APC2: variants seen among roughly 807,000 people sequenced by gnomAD.
The protein encoded by APC2 is APC regulator of Wnt signaling pathway 2, also known as adenomatous polyposis coli protein 2.
A neutral mutation model predicts 72.5 loss-of-function variants in APC2; 41 were observed. The ratio of observed to expected loss-of-function variants is 0.57; its 90% CI spans 0.44 to 0.73. The LOEUF is 0.73. Among genes scored for constraint, APC2 ranks in the 30% least tolerant of loss-of-function variants. The pLI, the probability that APC2 is intolerant of heterozygous loss-of-function variation, is 0.00. For synonymous variants in APC2, 1,898 were observed against 1,612.0 expected, an observed-to-expected ratio of 1.18 and a Z score of -4.25; for missense variants, 3,729 against 3,403.4, an observed-to-expected ratio of 1.10 and a Z score of -2.38.
chr19:1,452,917 C>A lies in APC2; in HGVS notation c.-18-67C>A. 1 of 1,537,672 alleles carries A rather than the reference C, an allele frequency of 6.5e-7. No homozygotes were observed. The highest frequency in any genetic ancestry group is 8.8e-7 in the Non-Finnish European group (1 of 1,139,774). The stretch of plus-strand genomic sequence containing the variant: ...GGCTGGGGCTTAGGTCAGGGGCCGT[C>A]TGTCCGGAAGGCATCACCGCGCCCT... On this transcript the variant is annotated intron_variant, in intron 1 of 14. Coordinates refer to ENST00000590469, the MANE Select transcript of APC2 (RefSeq NM_005883.3). The surrounding 1 kb of genome is among the most constrained non-coding windows in gnomAD (Gnocchi z 5.1).
chr19:1,456,847 C>A lies in APC2; in HGVS notation c.817-6C>A. ...GGACCCCACCCTGACCCTGCCCTCC[C>A]CCCAGGTGGAGGTGGTCTTCTGGCT... On this transcript the variant is annotated splice_region_variant and splice_polypyrimidine_tract_variant and intron_variant, in intron 8 of 14. Transcript: ENST00000590469. The A allele has an allele frequency of 1.3e-6, 2 of 1,594,042 alleles. No individual in the cohort carries two copies. Among genetic ancestry groups the A allele is most frequent in the Non-Finnish European group, 1.7e-6 (2 of 1,175,740 alleles).
Position 1,468,268 on chromosome 19 carries a change from G to A in APC2, c.4967G>A (p.Arg1656Gln), listed in dbSNP as rs1176157352. 11 of 1,529,432 alleles carry A rather than the reference G, an allele frequency of 7.2e-6. No homozygotes were observed. The highest frequency in any genetic ancestry group is 2.4e-5 in the South Asian group (2 of 82,068). 94.7% of individuals were successfully genotyped at this position (1,529,432 alleles called of 1,614,324 possible). A position where few individuals can be genotyped will look rare whatever the true frequency, so the allele number is the denominator to read the frequency against. ...CGGCGCCGCAAGCCCCGAGCCACCC[G>A]GCTGGATGAGCGGCCCGCAGAGGGG... ...GLRRRKPRAT[R>Q]LDERPAEGSR... is the part of the protein sequence containing the mutation. Residue 1656 changes from arginine to glutamine, a missense_variant, in exon 15 of 15, where the codon CGG becomes CAG. Transcript: ENST00000590469.
In APC2 at chr19:1,466,526, G is replaced by C. The variant is rs757504048; in HGVS notation, c.3225G>C (p.Ser1075=). 1 of 1,590,880 alleles carries C rather than the reference G, an allele frequency of 6.3e-7. No homozygotes were observed. Among genetic ancestry groups the C allele is most frequent in the East Asian group, 2.2e-5 (1 of 44,488 alleles). Residue 1075 remains serine, a synonymous_variant, in exon 15 of 15, where the codon TCG becomes TCC. Transcript: ENST00000590469. The stretch of plus-strand genomic sequence containing the variant: ...TGTCCCGATGCAGCTCCCTTTCCTC[G>C]CTGTCCTCGGCCGGCCGCCCAGGCC... ...LSLSRCSSLS[S]LSSAGRPGPS... is the part of the protein sequence containing the mutation.
Position 1,469,066 on chromosome 19 carries a change from A to G in APC2, c.5765A>G (p.Lys1922Arg), listed in dbSNP as rs747920575. ...CGCACCCTTCTGGCGAAGCAGCACAAGACGCAGAGATCGCCCGTGCGGATC... is the reference window on the plus strand; with the variant it reads ...CGCACCCTTCTGGCGAAGCAGCACAGGACGCAGAGATCGCCCGTGCGGATC... The part of the protein sequence containing the change: ...PARTLLAKQH[K>R]TQRSPVRIPF... Residue 1922 changes from lysine to arginine, a missense_variant, in exon 15 of 15, where the codon AAG becomes AGG. Physicochemically the swap from Lys to Arg is conservative, Grantham distance 26. Transcript: ENST00000590469. 2 of 1,522,484 alleles carry G rather than the reference A, an allele frequency of 1.3e-6. No individual in the cohort carries two copies. The highest frequency in any genetic ancestry group is 1.8e-6 in the Non-Finnish European group (2 of 1,135,670). 94.3% of individuals were successfully genotyped at this position (1,522,484 alleles called of 1,614,324 possible).
rs201387467 is a variant in APC2 at position 1,466,100 on chromosome 19, C to T, written c.2799C>T (p.Ser933=). The change falls in exon 15 of 15, where the codon AGC becomes AGT. Residue 933 remains serine (S), a synonymous_variant. Coordinates refer to ENST00000590469, the MANE Select transcript of APC2 (RefSeq NM_005883.3). ...ACAGCCTCAACAGCGGCAGTGCCAG[C>T]GACGGGTACTGCCCACGCGAACATA... The part of the protein sequence containing the change: ...SNDSLNSGSA[S]DGYCPREHML... 1,214 of 1,542,944 alleles carry T rather than the reference C, an allele frequency of 7.9e-4. No individual in the cohort carries two copies. Among genetic ancestry groups the T allele is most frequent in the Admixed American group, 1.2e-3 (57 of 49,096 alleles).
In APC2 at chr19:1,466,976, G is replaced by A. The variant is rs2084028348; in HGVS notation, c.3675G>A (p.Glu1225=). The A allele has an allele frequency of 6.2e-7, 1 of 1,607,274 alleles. No homozygotes were observed. The highest frequency in any genetic ancestry group is 1.1e-5 in the South Asian group (1 of 90,246). Residue 1225 remains glutamate (E), a synonymous_variant, in exon 15 of 15, where the codon GAG becomes GAA. Transcript: ENST00000590469. ...PLAPAPQGPP[E]ATQFSLQWES... ...CGCCCGCGCCACAGGGTCCCCCCGA[G>A]GCCACCCAGTTCAGCCTGCAGTGGG... is the stretch of plus-strand genomic sequence containing the variant.
chr19:1,448,822 C>T (rs1285653758), upstream of APC2, among the ~76,000 whole-genome samples: 8 of 146,686 alleles, frequency 5.5e-5, no homozygotes, highest in East Asian at 1.6e-3. Flanking sequence ...CCAGCCTGGG[C>T]TACAGAGCAA....
Position 1,469,030 on chromosome 19 carries a change from A to G in APC2, c.5729A>G (p.Lys1910Arg). 5 of 1,545,024 alleles carry G rather than the reference A, an allele frequency of 3.2e-6. No homozygotes were observed. The highest frequency in any genetic ancestry group is 4.4e-6 in the Non-Finnish European group (5 of 1,147,976). Residue 1910 changes from lysine to arginine, a missense_variant, in exon 15 of 15, where the codon AAA (lysine) becomes AGA (arginine). Transcript: ENST00000590469. Reference protein sequence around the residue: ...LPGPGASPVPKTPARTLLAKQ... With the variant: ...LPGPGASPVPRTPARTLLAKQ... ...GGCCCCGGAGCCTCCCCGGTGCCCA[A>G]AACGCCGGCGCGCACCCTTCTGGCG...
Position 1,467,884 on chromosome 19 carries a change from G to C in APC2, c.4583G>C (p.Arg1528Pro), listed in dbSNP as rs201831670. ...GCGGCCGCGCCCACGCCAACCCACC[G>C]GCGCACATCGGCCATCCCTCGCGCT... ...PPAAAPTPTH[R>P]RTSAIPRAFT... The change falls in exon 15 of 15, where the codon CGG becomes CCG. Residue 1528 changes from arginine (R) to proline (P), a missense_variant. Coordinates refer to ENST00000590469, the MANE Select transcript of APC2 (RefSeq NM_005883.3). The C allele has an allele frequency of 1.6e-5, 25 of 1,577,164 alleles. No homozygotes were observed. In the Admixed American group the frequency reaches 4.1e-4, roughly 26 times the overall value.
Position 1,469,484 on chromosome 19 carries a change from C to T in APC2, c.6183C>T (p.Pro2061=). The change falls in exon 15 of 15, where the codon CCC becomes CCT. Residue 2061 remains proline, a synonymous_variant. Coordinates refer to ENST00000590469, the MANE Select transcript of APC2 (RefSeq NM_005883.3). The stretch of plus-strand genomic sequence containing the variant: ...GCCCGGCCCCGGCCCGGCAGCGGCC[C>T]CCCGCGGCCCGACCCAGCCCTGGCG... The part of the protein sequence containing the change: ...RQGPAPARQR[P]PAARPSPGER... 4 of 1,104,278 alleles carry T rather than the reference C, an allele frequency of 3.6e-6. No individual in the cohort carries two copies. The highest frequency in any genetic ancestry group is 4.4e-6 in the Non-Finnish European group (4 of 910,564). 68.4% of individuals were successfully genotyped at this position (1,104,278 alleles called of 1,614,324 possible). A position where few individuals can be genotyped will look rare whatever the true frequency, so the allele number is the denominator to read the frequency against.
chr19:1,470,088 TC>T lies in APC2; in HGVS notation c.6792del (p.Ser2265AlafsTer70). Reference protein sequence around the residue: ...VGGFPASRHGSPSRSARVPPF... With the variant: ...VGGFPASRHGXPSRSARVPPF... ...GGGCTTCCCCGCCAGCCGGCACGGC[TC>T]CCCCAGCCGCTCGGCCCGAGTACCC... On this transcript the variant is annotated frameshift_variant, in exon 15 of 15. Coordinates refer to ENST00000590469, the MANE Select transcript of APC2 (RefSeq NM_005883.3). LOFTEE classifies it high-confidence loss of function. 1 of 1,601,324 alleles carries T rather than the reference TC, an allele frequency of 6.2e-7. No homozygotes were observed.
Position 1,457,127 on chromosome 19 carries a change from C to A in APC2, c.1091C>A (p.Ala364Glu). Residue 364 changes from alanine to glutamate, a missense_variant, in exon 9 of 15, where the codon GCG becomes GAG. Transcript: ENST00000590469. ...IVFSQPDQGLARKEMRVLHVL... is the reference protein window; with the variant it reads ...IVFSQPDQGLERKEMRVLHVL... ...TTCTCGCAGCCGGACCAGGGCCTGG[C>A]GCGCAAGGAGATGCGCGTCCTGCAC... The A allele has an allele frequency of 1.9e-6, 3 of 1,588,376 alleles. No individual in the cohort carries two copies. Among genetic ancestry groups the A allele is most frequent in the East Asian group, 2.3e-5 (1 of 43,374 alleles).
rs1216169118 is a variant in APC2, at chr19:1,468,732, C to T, written c.5431C>T (p.Pro1811Ser). The T allele has an allele frequency of 6.6e-7, 1 of 1,503,888 alleles. No individual in the cohort carries two copies. Among genetic ancestry groups the T allele is most frequent in the Admixed American group, 2.2e-5 (1 of 45,490 alleles). The allele number at this position is 1,503,888 out of a possible 1,614,324, so 93.2% of individuals were successfully genotyped here. The change falls in exon 15 of 15, where the codon CCC (proline) becomes TCC (serine). Residue 1811 changes from proline (P) to serine (S), a missense_variant. Pro to Ser is a moderately conservative substitution (Grantham distance 74). Coordinates refer to ENST00000590469, the MANE Select transcript of APC2 (RefSeq NM_005883.3). Reference sequence around the variant, plus strand: ...TGCCCAGCCCAAAGGGACCCCCGGCCCCCGCGCCACACCGCGGAAGGTGGC... The same window carrying T: ...TGCCCAGCCCAAAGGGACCCCCGGCTCCCGCGCCACACCGCGGAAGGTGGC... ...PRAQPKGTPG[P>S]RATPRKVAPP...
At position 1,453,804 on chromosome 19, in the gene APC2, C is replaced by T. The variant is rs372027896; in HGVS notation, c.413+193C>T. ...TCGTCCCCACGTGGCCTCCCTCCCCCTCCCCAGCCCGGCTGACCTCTGCTG... is the reference window on the plus strand; with the variant it reads ...TCGTCCCCACGTGGCCTCCCTCCCCTTCCCCAGCCCGGCTGACCTCTGCTG... On this transcript the variant is annotated intron_variant, in intron 4 of 14. Transcript: ENST00000590469. Among the ~76,000 whole-genome samples, 5 of 152,236 alleles carry T rather than the reference C, an allele frequency of 3.3e-5. No homozygotes were observed. The East Asian group carries it at 7.7e-4, about 23-fold the overall frequency.
rs970356700 is a variant in APC2 at position 1,467,156 on chromosome 19, G to A, written c.3855G>A (p.Glu1285=). 1 of 1,558,372 alleles carries A rather than the reference G, an allele frequency of 6.4e-7. No homozygotes were observed. The highest frequency in any genetic ancestry group is 8.7e-7 in the Non-Finnish European group (1 of 1,152,460). ...GCCTCAGCGCGCTGGCCTTGCACGA[G>A]CACTACGTGCAGCAGGACGTGGAGC... The part of the protein sequence containing the change: ...ASSLSALALH[E]HYVQQDVELR... The change falls in exon 15 of 15, where the codon GAG becomes GAA. Residue 1285 remains glutamate, a synonymous_variant. Coordinates refer to ENST00000590469, the MANE Select transcript of APC2 (RefSeq NM_005883.3).
upstream of APC2, among the ~76,000 whole-genome samples, chr19:1,449,468 A>C (rs991984844): frequency 6.6e-6 from 1 of 152,304 alleles, no homozygotes; most frequent in Admixed American, 6.5e-5. Context: ...CCAGGGGCAG[A>C]GACACATGGA....
chr19:1,466,923 C>A lies in APC2; in HGVS notation c.3622C>A (p.Pro1208Thr). ...CGACAGCCCCGGACAGACCATGCCT[C>A]CCAGCCGGAGCAAGACGCCACCGCT... ...LPDSPGQTMP[P>T]SRSKTPPLAP... Residue 1208 changes from proline (P) to threonine (T), a missense_variant, in exon 15 of 15, where the codon CCC becomes ACC. Physicochemically the swap from Pro to Thr is conservative, Grantham distance 38. Coordinates refer to ENST00000590469, the MANE Select transcript of APC2 (RefSeq NM_005883.3). 1.3e-6 allele frequency: 2 copies of A among 1,593,642 alleles called. No homozygotes were observed. The highest frequency in any genetic ancestry group is 2.3e-5 in the East Asian group (1 of 44,088).
At chr19:1,453,199 C>G (rs1403683317) in intron 2 of APC2, 48 bp from the exon 3 acceptor site, 1 of 1,565,018 alleles carries the variant, frequency 6.4e-7, no homozygotes, top group Non-Finnish European at 8.7e-7. Context: ...CCCCCGGCAG[C>G]CCAGTGCAGT....
At chr19:1,457,895 C>CGGGGGTGG in intron 9 of APC2, 70 bp from the exon 10 acceptor site, 1 of 1,233,430 alleles carries the variant, frequency 8.1e-7, no homozygotes, top group Non-Finnish European at 1.1e-6. Context: ...GGGCGGGTTG[C>CGGGGGTGG]GGGACCTTCG....
Sources: gnomAD v4.1 joint callset for allele counts (sites outside exome capture counted in the v4.1 genomes callset) on GRCh38, gnomAD v4.1.1 for gene constraint, Gnocchi (gnomAD v3.1) non-coding constraint, MANE v1.5 for transcripts, NCBI Gene and HGNC (gene_info 2026-07-23, HGNC 2026-07-21) for gene names.